The following TCF25 variants were observed in gnomAD, a reference collection of about 807,000 sequenced individuals.
TCF25 encodes TCF25 ribosome quality control complex subunit.
Under a neutral mutation model 83.1 loss-of-function variants are expected in TCF25, and 41 were observed. The observed-to-expected ratio is 0.49, with a 90% confidence interval of 0.38 to 0.64. The LOEUF is 0.64. Ranked by LOEUF, TCF25 falls within the 30% of genes least tolerant of loss-of-function variation. TCF25 has a pLI of 0.00. For synonymous variants in TCF25, 458 were observed against 365.0 expected, an observed-to-expected ratio of 1.25 and a Z score of -2.90; for missense variants, 979 against 914.5, an observed-to-expected ratio of 1.07 and a Z score of -0.91.
chr16:89,894,995 T>C (rs761927533), intron 7 of TCF25, 43 bp from the exon 8 acceptor site: 14 of 1,580,706 alleles, frequency 8.9e-6, no homozygotes, highest in Non-Finnish European at 1.2e-5. Flanking sequence ...AGCTGGGGCC[T>C]TGCTGAGTGC....
chr16:89,895,052 G>A lies in TCF25; in HGVS notation c.843G>A (p.Thr281=), dbSNP rs180848965. Residue 281 remains threonine (T), a synonymous_variant, in exon 8 of 18, where the codon ACG becomes ACA. Coordinates refer to ENST00000263346, the MANE Select transcript of TCF25 (RefSeq NM_014972.3). The part of the protein sequence containing the change: ...EPNNIVVLLQ[T]SPYHVDSLLQ... ...CCTTCTGGTAGGTTCTGCTCCAGAC[G>A]AGCCCTTACCACGTTGACTCACTCC... 23 of 1,613,138 alleles carry A rather than the reference G, an allele frequency of 1.4e-5. No homozygotes were observed. Among genetic ancestry groups the A allele is most frequent in the East Asian group, 4.5e-5 (2 of 44,866 alleles).
intron 4 of TCF25, among the ~76,000 whole-genome samples, chr16:89,887,228 GGATGATTAATTCATCTCTTGGTCTTACA>G (rs1311495541): frequency 1.3e-5 from 2 of 151,812 alleles, no homozygotes; most frequent in African/African-American, 4.8e-5. Context: ...TGTCATCCTT[GGATGATTAATTCATCTCTTGGTCTTACA>G]GATGCTTAAT....
At chr16:89,909,007 A>G (rs916821167) in intron 16 of TCF25, 1 of 1,289,546 alleles carries the variant, frequency 7.8e-7, no homozygotes, top group Admixed American at 2.3e-5. Flanking sequence ...TGGGGGTCAC[A>G]GCTCTGCGTT....
chr16:89,884,900 GC>G (rs778606642), intron 3 of TCF25, among the ~76,000 whole-genome samples: 39 of 62,618 alleles, frequency 6.2e-4, no homozygotes, highest in Non-Finnish European at 8.1e-4. Context: ...TCTGCCTGAC[GC>G]CCCTCTCCCT....
chr16:89,905,325 G>C (rs1011784859), intron 14 of TCF25, among the ~76,000 whole-genome samples: 1 of 152,184 alleles, frequency 6.6e-6, no homozygotes, highest in African/African-American at 2.4e-5. Context: ...TGCTGTTCCC[G>C]GGTGCCTCGG....
chr16:89,873,716 G>A lies in TCF25; in HGVS notation c.49G>A (p.Glu17Lys), dbSNP rs1369159648. The change falls in exon 1 of 18, where the codon GAG becomes AAG. Residue 17 changes from glutamate to lysine, a missense_variant. Transcript: ENST00000263346. ...RRLRGEQRGQ[E>K]PLGPGALHFD... ...GCTGAGGGGGGAACAGCGCGGCCAG[G>A]AGCCCCTCGGGCCCGGCGCCTTGCA... 2 of 1,610,708 alleles carry A rather than the reference G, an allele frequency of 1.2e-6. No individual in the cohort carries two copies. Among genetic ancestry groups the A allele is most frequent in the Non-Finnish European group, 1.7e-6 (2 of 1,179,250 alleles).
chr16:89,885,127 T>C (rs1041154975), intron 3 of TCF25, among the ~76,000 whole-genome samples: 2 of 151,572 alleles, frequency 1.3e-5, no homozygotes, highest in African/African-American at 4.9e-5. Flanking sequence ...CCTGACGCTC[T>C]CTCCATTCTC....
At position 89,911,301 on chromosome 16, in the gene TCF25, T is replaced by C; in HGVS notation, c.*63T>C. The C allele has an allele frequency of 6.3e-7, 1 of 1,592,480 alleles. No individual in the cohort carries two copies. Among genetic ancestry groups the C allele is most frequent in the Non-Finnish European group, 8.6e-7 (1 of 1,166,066 alleles). ...TTCCCGATTTCTCTGTTGGTCGGAG[T>C]CGGCCAGTTGCCTGAAGTAGGGAAG... On this transcript the variant is annotated 3_prime_UTR_variant, in exon 18 of 18. Transcript: ENST00000263346.
intron 5 of TCF25, 41 bp from the exon 6 acceptor site, chr16:89,892,152 C>T (rs2043481469): frequency 6.5e-7 from 1 of 1,549,464 alleles, no homozygotes. Context: ...TCCCCACACG[C>T]CACAGGAAGT....
chr16:89,893,635 C>T, intron 6 of TCF25, 93 bp from the exon 7 acceptor site: 1 of 1,593,896 alleles, frequency 6.3e-7, no homozygotes, highest in Middle Eastern at 2.2e-4. Flanking sequence ...TCGCAGAGGC[C>T]TCATCCAGAA....
chr16:89,896,891 C>T (rs1309140813), intron 9 of TCF25, among the ~76,000 whole-genome samples: 1 of 152,058 alleles, frequency 6.6e-6, no homozygotes, highest in Non-Finnish European at 1.5e-5. Context: ...CGCCTGGTGG[C>T]GCGTGCCTGT....
rs62052184 is a variant in TCF25, at chr16:89,900,809, T to C, written c.1381+15T>C. ...GTTCCCTGGAGGTGAGTGAGCGCTG[T>C]GTCTCGCCTGGGGTAGGGGTGTGTC... On this transcript the variant is annotated intron_variant, in intron 12 of 17. Transcript: ENST00000263346. The C allele has an allele frequency of 0.13, 198,743 of 1,558,594 alleles. 15,340 individuals carry two copies. Among genetic ancestry groups the C allele is most frequent in the African/African-American group, 0.32 (23,949 of 74,186 alleles).
intron 3 of TCF25, among the ~76,000 whole-genome samples, chr16:89,885,584 G>T (rs2144029429): frequency 6.6e-6 from 1 of 152,326 alleles, no homozygotes; most frequent in Non-Finnish European, 1.5e-5. Context: ...TGCCTGAGGA[G>T]GTGAGCACAC....
intron 15 of TCF25, 128 bp from the exon 16 acceptor site, chr16:89,907,115 A>G (rs1015482485): frequency 1.0e-4 from 96 of 936,464 alleles, no homozygotes; most frequent in Middle Eastern, 7.6e-4. Flanking sequence ...CGTTTCTGTC[A>G]GACTCTGTGG....
chr16:89,884,592 G>A lies in TCF25; in HGVS notation c.365G>A (p.Ser122Asn), dbSNP rs749455903. The A allele has an allele frequency of 1.9e-6, 3 of 1,613,704 alleles. No individual in the cohort carries two copies. The highest frequency in any genetic ancestry group is 2.7e-5 in the African/African-American group (2 of 74,852). The change falls in exon 3 of 18, where the codon AGT (serine) becomes AAT (asparagine). Residue 122 changes from serine to asparagine, a missense_variant. Transcript: ENST00000263346. ...TGTTTCTATCATTAGTCTCATGCAA[G>A]TGGCAAACTCCGGAAGAAGAAAAAA... The part of the protein sequence containing the change: ...ETVPSEQSHA[S>N]GKLRKKKKKQ...
intron 2 of TCF25, 74 bp from the exon 3 acceptor site, chr16:89,884,508 C>G: frequency 6.6e-7 from 1 of 1,521,072 alleles, no homozygotes; most frequent in Non-Finnish European, 9.0e-7. Flanking sequence ...GGTGGAGTCA[C>G]GCTTGCTGCT....
chr16:89,897,074 G>T (rs1486555103), intron 9 of TCF25, among the ~76,000 whole-genome samples: 1 of 151,844 alleles, frequency 6.6e-6, no homozygotes, highest in African/African-American at 2.4e-5. Context: ...TGAGAAACCA[G>T]ATCTCCACAG....
At chr16:89,888,799 G>A (rs1055850480) in intron 5 of TCF25, among the ~76,000 whole-genome samples, 9 of 148,312 alleles carry the variant, frequency 6.1e-5, no homozygotes, top group South Asian at 2.1e-4. Context: ...TCAGCCTCCC[G>A]AGTAGCTGGG....
chr16:89,895,844 C>T (rs922595927), intron 8 of TCF25, 146 bp from the exon 9 acceptor site: 1 of 661,072 alleles, frequency 1.5e-6, no homozygotes, highest in East Asian at 2.9e-5. Context: ...CCAGGGTGCC[C>T]AGGGGCATGT....
Sources: allele counts gnomAD v4.1 joint callset (sites outside exome capture counted in the v4.1 genomes callset), GRCh38; gene constraint gnomAD v4.1.1; transcripts MANE v1.5; gene names NCBI Gene and HGNC (gene_info 2026-07-23, HGNC 2026-07-21).